PPARGC1A: variants seen among roughly 807,000 people sequenced by gnomAD.
The protein encoded by PPARGC1A is peroxisome proliferator-activated receptor gamma coactivator 1-alpha.
A neutral mutation model predicts 88.7 loss-of-function variants in PPARGC1A; 25 were observed. That is an observed-to-expected ratio of 0.28 (90% CI 0.21 to 0.39). The LOEUF (loss-of-function observed/expected upper bound fraction) is 0.39. Ranked by LOEUF, PPARGC1A falls within the 10% of genes least tolerant of loss-of-function variation. PPARGC1A has a pLI of 1.00. For synonymous variants in PPARGC1A, 363 were observed against 355.6 expected (o/e 1.02, Z -0.24); for missense variants, 880 against 968.7 (o/e 0.91, Z 1.22).
chr4:23,797,587 T>C (rs1290333663), intron 12 of PPARGC1A, among the ~76,000 whole-genome samples: 1 of 152,214 alleles, frequency 6.6e-6, no homozygotes, highest in East Asian at 1.9e-4. Flanking sequence ...TCAGTGTTTC[T>C]GTATTTTATT....
the PPARGC1A span, among the ~76,000 whole-genome samples, chr4:24,160,856 C>A: frequency 6.6e-6 from 1 of 152,124 alleles, no homozygotes; most frequent in African/African-American, 2.4e-5. Context: ...AAAGTTGGGA[C>A]CTACTGAACA....
the PPARGC1A span, among the ~76,000 whole-genome samples, chr4:24,408,522 C>A: frequency 6.6e-6 from 1 of 152,248 alleles, no homozygotes; most frequent in East Asian, 1.9e-4. Flanking sequence ...TAGTGACTTG[C>A]TTCTCTACGA....
At chr4:24,196,755 G>A in the PPARGC1A span, among the ~76,000 whole-genome samples, 1 of 152,252 alleles carries the variant, frequency 6.6e-6, no homozygotes, top group East Asian at 1.9e-4. Flanking sequence ...AAACAAAAAG[G>A]TTTCTTCCTT....
At chr4:24,280,379 T>A in the PPARGC1A span, among the ~76,000 whole-genome samples, 80 of 152,272 alleles carry the variant, frequency 5.3e-4, no homozygotes, top group Non-Finnish European at 4.4e-5. Flanking sequence ...GAGATCACAG[T>A]TTTTGTTCTC....
At chr4:23,807,356 A>G (rs1349190318) in intron 10 of PPARGC1A, among the ~76,000 whole-genome samples, 1 of 152,196 alleles carries the variant, frequency 6.6e-6, no homozygotes, top group Non-Finnish European at 1.5e-5. Context: ...AGAAAAAACA[A>G]AATTGTAGCA....
chr4:24,396,527 T>C, the PPARGC1A span, among the ~76,000 whole-genome samples: 1 of 152,152 alleles, frequency 6.6e-6, no homozygotes, highest in African/African-American at 2.4e-5. Flanking sequence ...ACTGAAAGAA[T>C]GCCGACATGG....
At chr4:24,088,475 G>A in the PPARGC1A span, among the ~76,000 whole-genome samples, 2 of 152,280 alleles carry the variant, frequency 1.3e-5, no homozygotes, top group East Asian at 1.9e-4. Context: ...GTCATAAGGC[G>A]GGTACAGGTT....
At chr4:24,049,399 T>C in the PPARGC1A span, among the ~76,000 whole-genome samples, 1 of 148,550 alleles carries the variant, frequency 6.7e-6, no homozygotes, top group Non-Finnish European at 1.5e-5. Context: ...ACAGATGATT[T>C]ATTCTGAAAA....
chr4:24,105,408 G>A, the PPARGC1A span, among the ~76,000 whole-genome samples: 4 of 152,102 alleles, frequency 2.6e-5, no homozygotes, highest in East Asian at 7.7e-4. Context: ...TCCAACCTAA[G>A]GTAAGAGATA....
chr4:24,213,791 C>T, the PPARGC1A span, among the ~76,000 whole-genome samples: 31 of 152,284 alleles, frequency 2.0e-4, no homozygotes, highest in African/African-American at 7.2e-4. Flanking sequence ...TCCAAATATT[C>T]TTAATTGATT....
At position 23,813,847 on chromosome 4, in the gene PPARGC1A, G is replaced by C. The variant is rs943409714; in HGVS notation, c.1636C>G (p.Pro546Ala). 6.2e-7 allele frequency: 1 copy of C among 1,614,034 alleles called. No individual in the cohort carries two copies. The highest frequency in any genetic ancestry group is 1.7e-5 in the Admixed American group (1 of 60,010). ...GGTGGTGACACAGAATCTCTACATG[G>C]AGAGTTAAAAGAAGAACAAGAAGGA... ...VSPSCSSFNSPCRDSVSPPKS... is the reference protein window; with the variant it reads ...VSPSCSSFNSACRDSVSPPKS... The change falls in exon 8 of 13, where the codon CCA becomes GCA. Residue 546 changes from proline (P) to alanine (A), a missense_variant. Pro to Ala is a conservative substitution (Grantham distance 27). Coordinates refer to ENST00000264867, the MANE Select transcript of PPARGC1A (RefSeq NM_013261.5).
At chr4:24,112,966 G>A in the PPARGC1A span, among the ~76,000 whole-genome samples, 31 of 152,154 alleles carry the variant, frequency 2.0e-4, no homozygotes, top group Non-Finnish European at 4.1e-4. Flanking sequence ...TTCTTTCAAT[G>A]AGAAAGCTGC....
In PPARGC1A at chr4:23,812,747, A is replaced by C; in HGVS notation, c.2019T>G (p.Ile673Met). The change falls in exon 10 of 13, where the codon ATT becomes ATG. Residue 673 changes from isoleucine to methionine, a missense_variant and splice_region_variant. Ile to Met is a conservative substitution (Grantham distance 10). Transcript: ENST00000264867. ...KQRERQRQKA[I>M]EERRVIYVGK... ...TAAAAGTGAGCTCCAGGCCACTTACAATTGCCTTCTGCCTCTGCCTCTCCC... is the reference window on the plus strand; with the variant it reads ...TAAAAGTGAGCTCCAGGCCACTTACCATTGCCTTCTGCCTCTGCCTCTCCC... 6.2e-7 allele frequency: 1 copy of C among 1,613,932 alleles called. No homozygotes were observed. The highest frequency in any genetic ancestry group is 1.1e-5 in the South Asian group (1 of 91,070).
the PPARGC1A span, among the ~76,000 whole-genome samples, chr4:24,447,468 A>G: frequency 6.6e-6 from 1 of 152,234 alleles, no homozygotes; most frequent in Non-Finnish European, 1.5e-5. Flanking sequence ...GCTGAAACTC[A>G]GGCCAGGTGA....
chr4:24,095,319 G>A, the PPARGC1A span, among the ~76,000 whole-genome samples: 1 of 152,022 alleles, frequency 6.6e-6, no homozygotes, highest in East Asian at 1.9e-4. Context: ...GTTTCACCAT[G>A]TTGCTCAGGC....
chr4:24,134,087 T>C, the PPARGC1A span, among the ~76,000 whole-genome samples: 12 of 152,220 alleles, frequency 7.9e-5, no homozygotes, highest in South Asian at 2.1e-3. Flanking sequence ...AGCAAATGAC[T>C]CCCAAACACA....
chr4:24,169,566 TAA>T, the PPARGC1A span, among the ~76,000 whole-genome samples: 1 of 146,080 alleles, frequency 6.8e-6, no homozygotes, highest in African/African-American at 2.5e-5. Flanking sequence ...AAAGTTTATT[TAA>T]AAAAAAAAAG....
At chr4:24,149,453 C>T in the PPARGC1A span, among the ~76,000 whole-genome samples, 7,545 of 151,996 alleles carry the variant, frequency 0.05, 534 homozygotes, top group African/African-American at 0.15. Context: ...ACAACCTGTA[C>T]CCACAAAATT....
the PPARGC1A span, among the ~76,000 whole-genome samples, chr4:24,057,808 C>T: frequency 6.6e-6 from 1 of 152,188 alleles, no homozygotes. Context: ...GCTGAGTAGG[C>T]CCAGTGTGGT....
Sources: allele counts gnomAD v4.1 joint callset (sites outside exome capture counted in the v4.1 genomes callset), GRCh38; gene constraint gnomAD v4.1.1; transcripts MANE v1.5; gene names NCBI Gene and HGNC (gene_info 2026-07-23, HGNC 2026-07-21).